The following PIP5K1B variants were observed in gnomAD, a reference collection of about 807,000 sequenced individuals.
PIP5K1B encodes the protein phosphatidylinositol-4-phosphate 5-kinase type 1 beta.
A neutral mutation model predicts 67.0 loss-of-function variants in PIP5K1B; 42 were observed. The observed-to-expected ratio is 0.63, with a 90% CI of 0.49 to 0.81. PIP5K1B has a LOEUF of 0.81. Among genes scored for constraint, PIP5K1B ranks in the 30% least tolerant of loss-of-function variants. The pLI is 0.00. For missense variants in PIP5K1B, 459 were observed against 646.3 expected, an observed-to-expected ratio of 0.71 and a Z score of 3.14; for synonymous variants, 214 against 231.4, an observed-to-expected ratio of 0.92 and a Z score of 0.68.
At chr9:68,828,477 A>G (rs771652226) in intron 4 of PIP5K1B, among the ~76,000 whole-genome samples, 5 of 152,262 alleles carry the variant, frequency 3.3e-5, no homozygotes, top group Non-Finnish European at 5.9e-5. Flanking sequence ...ACTTTGTTTT[A>G]TCTTTGAAGA....
chr9:68,881,424 C>T (rs1028290871), intron 6 of PIP5K1B, among the ~76,000 whole-genome samples: 3 of 152,276 alleles, frequency 2.0e-5, no homozygotes, highest in East Asian at 1.9e-4. Flanking sequence ...CAAAGTGCAT[C>T]GTGGTGGCTG....
chr9:68,958,116 AC>A lies in PIP5K1B; in HGVS notation c.1502+17329del, dbSNP rs201914406. 4.0e-3 allele frequency among the ~76,000 whole-genome samples: 614 copies of A among 151,984 alleles called. 1 individual carries two copies. Among genetic ancestry groups the A allele is most frequent in the Non-Finnish European group, 6.5e-3 (444 of 67,938 alleles). On this transcript the variant is annotated intron_variant, in intron 14 of 15. Coordinates refer to ENST00000265382, the MANE Select transcript of PIP5K1B (RefSeq NM_003558.4). ...TTGAACTCATGAGTTCAAGCGATCCACCCGCCTTGGCCTCCCAAAGTGCTGG... is the reference window on the plus strand; with the variant it reads ...TTGAACTCATGAGTTCAAGCGATCCACCGCCTTGGCCTCCCAAAGTGCTGG...
chr9:68,974,022 C>T (rs1437908802), intron 14 of PIP5K1B, among the ~76,000 whole-genome samples: 1 of 152,152 alleles, frequency 6.6e-6, no homozygotes, highest in East Asian at 1.9e-4. Context: ...GAACTACAGG[C>T]GTGTGCCACC....
chr9:68,965,035 G>A (rs1307670766), intron 14 of PIP5K1B, among the ~76,000 whole-genome samples: 3 of 152,224 alleles, frequency 2.0e-5, no homozygotes, highest in Non-Finnish European at 2.9e-5. Context: ...TGAGGAAATT[G>A]TAAGGTTATA....
At chr9:68,725,748 G>A (rs983461940) in intron 1 of PIP5K1B, among the ~76,000 whole-genome samples, 5 of 152,138 alleles carry the variant, frequency 3.3e-5, no homozygotes, top group Admixed American at 3.3e-4. Context: ...ATTGAAGAAA[G>A]CAAAACTCAT....
intron 15 of PIP5K1B, 88 bp from the exon 16 acceptor site, chr9:69,008,359 A>C: frequency 8.5e-7 from 1 of 1,177,566 alleles, no homozygotes; most frequent in Non-Finnish European, 1.3e-6. Flanking sequence ...GATTGGGAGA[A>C]ATAACGAACT....
chr9:68,975,521 T>G (rs1829594834), intron 14 of PIP5K1B, among the ~76,000 whole-genome samples: 1 of 152,216 alleles, frequency 6.6e-6, no homozygotes, highest in South Asian at 2.1e-4. Flanking sequence ...CAAGGTGGTG[T>G]TATGGAGGGA....
At chr9:68,886,143 C>T (rs1824461197) in intron 6 of PIP5K1B, among the ~76,000 whole-genome samples, 1 of 151,678 alleles carries the variant, frequency 6.6e-6, no homozygotes, top group Non-Finnish European at 1.5e-5. Flanking sequence ...TGTACCACTG[C>T]ACTCCAGCCT....
chr9:68,708,589 T>G (rs1827240393), intron 1 of PIP5K1B, among the ~76,000 whole-genome samples: 1 of 136,716 alleles, frequency 7.3e-6, no homozygotes, highest in African/African-American at 2.8e-5. Context: ...GAAAGATACA[T>G]TCCTAGAAAT....
At chr9:68,756,675 T>C (rs1829943070) in intron 2 of PIP5K1B, among the ~76,000 whole-genome samples, 1 of 152,200 alleles carries the variant, frequency 6.6e-6, no homozygotes, top group African/African-American at 2.4e-5. Flanking sequence ...CAAACAAATA[T>C]CTTATATTTT....
At chr9:68,835,434 A>C (rs1834550547) in intron 4 of PIP5K1B, among the ~76,000 whole-genome samples, 1 of 152,224 alleles carries the variant, frequency 6.6e-6, no homozygotes, top group African/African-American at 2.4e-5. Flanking sequence ...TTGAGTATTA[A>C]ATCTAACACT....
intron 4 of PIP5K1B, among the ~76,000 whole-genome samples, chr9:68,862,814 A>C (rs531605215): frequency 9.3e-6 from 1 of 107,048 alleles, no homozygotes; most frequent in African/African-American, 3.4e-5. Context: ...AAAATAAATA[A>C]ATAAATAAAT....
chr9:68,724,689 G>T (rs1416049869), intron 1 of PIP5K1B, among the ~76,000 whole-genome samples: 1 of 151,714 alleles, frequency 6.6e-6, no homozygotes, highest in African/African-American at 2.4e-5. Flanking sequence ...TGTAGTTATT[G>T]TAAGTGGGGT....
chr9:68,717,972 C>T (rs576467009), intron 1 of PIP5K1B, among the ~76,000 whole-genome samples: 23 of 152,326 alleles, frequency 1.5e-4, no homozygotes, highest in Middle Eastern at 3.4e-3. Context: ...TTACTCCCTA[C>T]TGAAGGGCAG....
At chr9:68,985,127 A>G (rs1830045388) in intron 14 of PIP5K1B, among the ~76,000 whole-genome samples, 1 of 152,210 alleles carries the variant, frequency 6.6e-6, no homozygotes, top group African/African-American at 2.4e-5. Flanking sequence ...GGCAGCTGCA[A>G]TCTCACTGCT....
At chr9:68,778,522 C>T (rs926254301) in intron 2 of PIP5K1B, among the ~76,000 whole-genome samples, 4 of 152,164 alleles carry the variant, frequency 2.6e-5, no homozygotes, top group African/African-American at 4.8e-5. Flanking sequence ...ATCTGCAAAT[C>T]CTATTTGTTC....
chr9:68,904,590 G>A (rs912090324), intron 8 of PIP5K1B, among the ~76,000 whole-genome samples: 4 of 152,150 alleles, frequency 2.6e-5, no homozygotes, highest in South Asian at 2.1e-4. Context: ...AGTTAAAAGC[G>A]AGGCTTCCTT....
intron 12 of PIP5K1B, among the ~76,000 whole-genome samples, chr9:68,933,253 T>C (rs1827093322): frequency 1.3e-5 from 2 of 151,662 alleles, no homozygotes; most frequent in East Asian, 3.9e-4. Flanking sequence ...CAAACCTGCA[T>C]GTTCAGCACA....
At chr9:68,849,691 A>G (rs1198145034) in intron 4 of PIP5K1B, among the ~76,000 whole-genome samples, 3 of 152,220 alleles carry the variant, frequency 2.0e-5, no homozygotes, top group Admixed American at 2.0e-4. Flanking sequence ...ATGCGTGTAT[A>G]CAGACATGTA....
Sources: allele counts gnomAD v4.1 joint callset (sites outside exome capture counted in the v4.1 genomes callset), GRCh38; gene constraint gnomAD v4.1.1; transcripts MANE v1.5; gene names NCBI Gene and HGNC (gene_info 2026-07-23, HGNC 2026-07-21).